CDH23: variants seen among roughly 807,000 people sequenced by gnomAD.
The protein encoded by CDH23 is cadherin-23.
A neutral mutation model predicts 317.1 loss-of-function variants in CDH23; 189 were observed. The observed-to-expected ratio is 0.60, with a 90% CI of 0.53 to 0.67. The LOEUF (loss-of-function observed/expected upper bound fraction) is 0.67, where lower values mean the gene tolerates loss of function less well. Ranked by LOEUF, CDH23 falls within the 30% of genes least tolerant of loss-of-function variation. The pLI is 0.00. For synonymous variants in CDH23, 1,839 were observed against 1,876.8 expected, an observed-to-expected ratio of 0.98 and a Z score of 0.52; for missense variants, 4,401 against 4,592.4, an observed-to-expected ratio of 0.96 and a Z score of 1.20.
chr10:71,409,345 G>A (rs757997798), intron 1 of CDH23, among the ~76,000 whole-genome samples: 1 of 152,162 alleles, frequency 6.6e-6, no homozygotes, highest in Non-Finnish European at 1.5e-5. Context: ...ATAGGTGAGG[G>A]CCTCTTCCAA....
At chr10:71,407,712 C>A (rs931948537) in intron 1 of CDH23, among the ~76,000 whole-genome samples, 2 of 152,312 alleles carry the variant, frequency 1.3e-5, no homozygotes, top group East Asian at 3.9e-4. Context: ...ACCCAAGTAA[C>A]CTTATCAGAG....
chr10:71,653,189 A>G (rs577143099), intron 14 of CDH23, among the ~76,000 whole-genome samples: 2 of 152,158 alleles, frequency 1.3e-5, no homozygotes, highest in East Asian at 3.9e-4. Context: ...TGCTGCATCA[A>G]TGTCAGCCCC....
At chr10:71,761,599 T>G (rs1227176526) in intron 38 of CDH23, 18 of 1,581,208 alleles carry the variant, frequency 1.1e-5, no homozygotes, top group Non-Finnish European at 1.5e-5. Flanking sequence ...TGCCCTCACC[T>G]GTCTGCACCT....
intron 38 of CDH23, among the ~76,000 whole-genome samples, chr10:71,745,652 A>C (rs1342568306): frequency 6.6e-6 from 1 of 152,174 alleles, no homozygotes; most frequent in Non-Finnish European, 1.5e-5. Flanking sequence ...GCTTCCACTG[A>C]CCAGACCCTC....
At chr10:71,480,839 C>T (rs2132113986) in intron 3 of CDH23, among the ~76,000 whole-genome samples, 1 of 150,810 alleles carries the variant, frequency 6.6e-6, no homozygotes, top group Non-Finnish European at 1.5e-5. Context: ...GGGGTGGACT[C>T]GATAGCACTT....
At chr10:71,550,387 G>A (rs939928036) in intron 6 of CDH23, among the ~76,000 whole-genome samples, 3 of 151,804 alleles carry the variant, frequency 2.0e-5, no homozygotes, top group African/African-American at 7.3e-5. Context: ...GCCCATCTCT[G>A]TAAAATTAAA....
At chr10:71,628,885 A>G (rs1404224602) in intron 11 of CDH23, among the ~76,000 whole-genome samples, 1 of 152,328 alleles carries the variant, frequency 6.6e-6, no homozygotes, top group South Asian at 2.1e-4. Context: ...CCTGGTTCTG[A>G]CTAGTGCTAG....
rs1865631649 is a variant in CDH23 at position 71,702,546 on chromosome 10, C to A, written c.2588-3C>A. The A allele has an allele frequency of 2.5e-6, 4 of 1,613,848 alleles. No homozygotes were observed. The South Asian group carries it at 3.3e-5, about 13-fold the overall frequency. On this transcript the variant is annotated splice_polypyrimidine_tract_variant and splice_region_variant and intron_variant, in intron 23 of 69. Coordinates refer to ENST00000224721, the MANE Select transcript of CDH23 (RefSeq NM_022124.6). ...TGGCCCCTTCTCGCCCTGGTCTTCCCAGGTGGCAGGCCCCCTCTGAAAGCC... is the reference window on the plus strand; with the variant it reads ...TGGCCCCTTCTCGCCCTGGTCTTCCAAGGTGGCAGGCCCCCTCTGAAAGCC...
At chr10:71,506,057 A>G (rs565770395) in intron 3 of CDH23, among the ~76,000 whole-genome samples, 1 of 152,384 alleles carries the variant, frequency 6.6e-6, no homozygotes, top group African/African-American at 2.4e-5. Flanking sequence ...AGCTGTTAAA[A>G]AGGAGTGAAG....
intron 55 of CDH23, among the ~76,000 whole-genome samples, chr10:71,805,533 G>T (rs1841687064): frequency 6.6e-6 from 1 of 152,178 alleles, no homozygotes; most frequent in Admixed American, 6.5e-5. Flanking sequence ...TGGGAAGATG[G>T]TCACCCTGGG....
rs1841920337 is a variant in CDH23 at position 71,811,418 on chromosome 10, G to A, written c.9181G>A (p.Asp3061Asn). ...TGCCATCTCTGTCCGGCTGCCGGATGACATGTCTGCCCTGCAGGTACCCGG... is the reference window on the plus strand; with the variant it reads ...TGCCATCTCTGTCCGGCTGCCGGATAACATGTCTGCCCTGCAGGTACCCGG... ...QPAISVRLPDDMSALQMAIIV... is the reference protein window; with the variant it reads ...QPAISVRLPDNMSALQMAIIV... The change falls in exon 63 of 70, where the codon GAC becomes AAC. Residue 3061 changes from aspartate (D) to asparagine (N), a missense_variant. Around this residue, in one of 3 missense-constraint regions of CDH23, gnomAD observed 1,144 missense variants for 1,138.2 expected, o/e 1.01. Transcript: ENST00000224721. The A allele has an allele frequency of 1.2e-6, 2 of 1,613,998 alleles. No individual in the cohort carries two copies. The highest frequency in any genetic ancestry group is 2.7e-5 in the African/African-American group (2 of 75,046).
chr10:71,584,542 C>CTGTGTGTGTGTGTGTGTGTGTGTGTG (rs138103081), intron 9 of CDH23, among the ~76,000 whole-genome samples: 6 of 145,658 alleles, frequency 4.1e-5, no homozygotes, highest in Non-Finnish European at 9.1e-5. Context: ...GAAGGGAAGT[C>CTGTGTGTGTGTGTGTGTGTGTGTGTG]TGTGTGTGTG....
intron 26 of CDH23, among the ~76,000 whole-genome samples, chr10:71,708,825 T>C (rs974214465): frequency 6.6e-6 from 1 of 152,184 alleles, no homozygotes; most frequent in African/African-American, 2.4e-5. Context: ...TTCTCCTCTG[T>C]GAGGTGGAGG....
intron 9 of CDH23, among the ~76,000 whole-genome samples, chr10:71,587,300 G>A (rs932301095): frequency 2.6e-5 from 4 of 152,170 alleles, no homozygotes; most frequent in Non-Finnish European, 5.9e-5. Flanking sequence ...GTGTAGGAGT[G>A]GAATATTAAG....
intron 66 of CDH23, 185 bp downstream of exon 66, chr10:71,812,200 TC>T (rs2133005455): frequency 6.3e-7 from 1 of 1,585,466 alleles, no homozygotes; most frequent in South Asian, 1.1e-5. Context: ...ACAGGGGCTC[TC>T]CACCCCAGTG....
chr10:71,690,721 A>T (rs2132706423), intron 20 of CDH23, 137 bp downstream of exon 20: 1 of 619,032 alleles, frequency 1.6e-6, no homozygotes, highest in Admixed American at 2.8e-5. Context: ...CACCAGTGTA[A>T]TCCATGAAAT....
intron 30 of CDH23, among the ~76,000 whole-genome samples, chr10:71,727,754 G>A (rs997380173): frequency 7.2e-5 from 11 of 152,154 alleles, no homozygotes; most frequent in African/African-American, 2.7e-4. Flanking sequence ...GGAAACTGAG[G>A]CAAAGCACTG....
At chr10:71,778,109 C>T in intron 39 of CDH23, 80 bp from the exon 40 acceptor site, 3 of 1,574,878 alleles carry the variant, frequency 1.9e-6, no homozygotes, top group South Asian at 1.1e-5. Context: ...AATGTCAGGG[C>T]CTACTTCCCA....
At chr10:71,695,588 A>G in intron 22 of CDH23, 63 bp downstream of exon 22, 1 of 1,156,068 alleles carries the variant, frequency 8.7e-7, no homozygotes, top group South Asian at 1.2e-5. Flanking sequence ...TGCCCCTCCC[A>G]CTGCGATTCC....
Sources: gnomAD v4.1 joint callset for allele counts (sites outside exome capture counted in the v4.1 genomes callset) on GRCh38, gnomAD v4.1.1 for gene constraint, gnomAD v4.1.1 regional missense constraint, MANE v1.5 for transcripts, NCBI Gene and HGNC (gene_info 2026-07-23, HGNC 2026-07-21) for gene names.